The following STK3 variants were observed in gnomAD, a reference collection of about 807,000 sequenced individuals.
The protein encoded by STK3 is serine/threonine-protein kinase 3.
Under a neutral mutation model 58.0 loss-of-function variants are expected in STK3, and 41 were observed. That is an observed-to-expected ratio of 0.71 (90% CI 0.55 to 0.92). STK3 has a LOEUF of 0.92. Among genes scored for constraint, STK3 ranks in the 40% least tolerant of loss-of-function variants. The probability of loss-of-function intolerance (pLI) is 0.00; values close to 1 mark genes in which losing one functional copy is unlikely to be tolerated. For missense variants in STK3, 479 were observed against 602.7 expected, an observed-to-expected ratio of 0.79 and a Z score of 2.15; for synonymous variants, 170 against 191.0, an observed-to-expected ratio of 0.89 and a Z score of 0.91.
At chr8:98,683,049 T>C (rs929089373) in intron 6 of STK3, among the ~76,000 whole-genome samples, 4 of 152,122 alleles carry the variant, frequency 2.6e-5, no homozygotes, top group African/African-American at 9.7e-5. Flanking sequence ...AATGGTTGTC[T>C]GTTAAAACAG....
chr8:98,527,038 A>C, intron 9 of STK3, 121 bp from the exon 10 acceptor site: 2 of 638,118 alleles, frequency 3.1e-6, no homozygotes. Context: ...ATTCAAGGCC[A>C]ACATAATTAA....
chr8:98,847,825 C>G (rs1433513421), intron 3 of STK3, among the ~76,000 whole-genome samples: 1 of 152,138 alleles, frequency 6.6e-6, no homozygotes, highest in Non-Finnish European at 1.5e-5. Context: ...GCCTACCTTA[C>G]CTCTCACTAA....
At chr8:98,780,446 T>C (rs1167792249) in intron 1 of STK3, among the ~76,000 whole-genome samples, 1 of 152,150 alleles carries the variant, frequency 6.6e-6, no homozygotes, top group African/African-American at 2.4e-5. Flanking sequence ...TCTTTGCTCA[T>C]TTTTCCACTG....
chr8:98,439,305 T>G (rs1352837629), intron 1 of STK3: 1 of 152,158 alleles, frequency 6.6e-6, no homozygotes, highest in Non-Finnish European at 1.5e-5. Context: ...TGCGGGTCCC[T>G]GTGGAGTCGA....
Position 98,489,651 on chromosome 8 carries a change from TACCAAC to T in STK3, c.1318-33657_1318-33652del, listed in dbSNP as rs1822542171. Among the ~76,000 whole-genome samples the T allele has an allele frequency of 3.9e-5, 6 of 152,166 alleles. No homozygotes were observed. The South Asian group carries it at 8.3e-4, about 21-fold the overall frequency. On this transcript the variant is annotated intron_variant, in intron 10 of 10. Coordinates refer to ENST00000419617, the MANE Select transcript of STK3 (RefSeq NM_006281.4). ...ATTTTTCCACACATTTAGCCGATTG[TACCAAC>T]ACCAAGATTCCACACATTCAATAAT...
intron 1 of STK3, among the ~76,000 whole-genome samples, chr8:98,906,761 C>G (rs1008638701): frequency 6.6e-6 from 1 of 152,176 alleles, no homozygotes. Context: ...TCCATCACCT[C>G]TAAAGAGATG....
At chr8:98,697,196 T>C (rs1475669588) in intron 6 of STK3, among the ~76,000 whole-genome samples, 2 of 152,252 alleles carry the variant, frequency 1.3e-5, no homozygotes, top group African/African-American at 4.8e-5. Context: ...GTGGGATTGG[T>C]GGTGATTTCA....
At chr8:98,536,192 C>T (rs1809752972) in intron 9 of STK3, among the ~76,000 whole-genome samples, 1 of 152,082 alleles carries the variant, frequency 6.6e-6, no homozygotes, top group Admixed American at 6.6e-5. Flanking sequence ...AATTTGCCTC[C>T]CTAATATCTA....
At chr8:98,580,865 A>G (rs1359985464) in intron 7 of STK3, among the ~76,000 whole-genome samples, 1 of 152,262 alleles carries the variant, frequency 6.6e-6, no homozygotes, top group Admixed American at 6.5e-5. Context: ...GATACTTGAA[A>G]GAGGGTTTAA....
At chr8:98,434,751 GT>G (rs1818425391) in intron 2 of STK3, among the ~76,000 whole-genome samples, 1 of 152,296 alleles carries the variant, frequency 6.6e-6, no homozygotes, top group South Asian at 2.1e-4. Flanking sequence ...CCTTGGAGTT[GT>G]GTAAGGCCCT....
rs71572027 is a variant in STK3 at position 98,858,290 on chromosome 8, GTATATATATATA to G, written c.110+25345_110+25356del. On this transcript the variant is annotated intron_variant, in intron 3 of 12. Transcript: ENST00000523601. The stretch of plus-strand genomic sequence containing the variant: ...CCAGCTACAGTATATACATACATAC[GTATATATATATA>G]TATATATATATATATATATATAGAG... 1.6e-3 allele frequency among the ~76,000 whole-genome samples: 56 copies of G among 34,374 alleles called. 2 individuals are homozygous for G. The highest frequency in any genetic ancestry group is 4.1e-3 in the African/African-American group (31 of 7,504). 22.6% of individuals were successfully genotyped at this position (34,374 alleles called of 152,430 possible). A position where few individuals can be genotyped will look rare whatever the true frequency, so the allele number is the denominator to read the frequency against.
chr8:98,883,999 C>T (rs1837892307), intron 1 of STK3, among the ~76,000 whole-genome samples: 1 of 152,110 alleles, frequency 6.6e-6, no homozygotes, highest in African/African-American at 2.4e-5. Flanking sequence ...GGAGTTCTCC[C>T]AAGGTGTACT....
chr8:98,925,663 C>T (rs1839761884), intron 1 of STK3, among the ~76,000 whole-genome samples: 1 of 152,054 alleles, frequency 6.6e-6, no homozygotes, highest in Non-Finnish European at 1.5e-5. Context: ...TGTTGTTGGC[C>T]CAAACACCAC....
chr8:98,488,818 T>C (rs1355960378), intron 10 of STK3, among the ~76,000 whole-genome samples: 1 of 152,200 alleles, frequency 6.6e-6, no homozygotes. Flanking sequence ...AGAAATATCG[T>C]TTTAGCCAGG....
chr8:98,382,849 G>T (rs920203135), intron 1 of STK3, among the ~76,000 whole-genome samples: 4 of 152,216 alleles, frequency 2.6e-5, no homozygotes, highest in Admixed American at 1.3e-4. Flanking sequence ...GCGGCCGGCT[G>T]GGGTGGGGAC....
rs201599771 is a variant in STK3, at chr8:98,442,939, A to ACC, written n.186-5733_186-5732dup. Among the ~76,000 whole-genome samples, 1,519 of 152,012 alleles carry ACC rather than the reference A, an allele frequency of 1.0e-2. 17 individuals are homozygous for ACC. The highest frequency in any genetic ancestry group is 0.049 in the Admixed American group (750 of 15,264). On this transcript the variant is annotated intron_variant and non_coding_transcript_variant, in intron 1 of 3. Transcript: ENST00000517832. ...CCTCAATATTCACACAGATTTTTGT[A>ACC]CCAACGACCACAGAATTATAGGAAT...
intron 4 of STK3, among the ~76,000 whole-genome samples, chr8:98,712,070 G>C (rs929821615): frequency 5.9e-5 from 9 of 152,134 alleles, no homozygotes; most frequent in Non-Finnish European, 1.0e-4. Context: ...ATACTTTACA[G>C]ACAAGCAAAG....
At chr8:98,719,248 TAATA>T (rs1827236192) in intron 4 of STK3, among the ~76,000 whole-genome samples, 1 of 152,180 alleles carries the variant, frequency 6.6e-6, no homozygotes, top group Non-Finnish European at 1.5e-5. Context: ...CTTGGGGTGT[TAATA>T]AAGGCAGCAT....
At chr8:98,895,537 G>C (rs1838413513) in intron 1 of STK3, among the ~76,000 whole-genome samples, 1 of 152,176 alleles carries the variant, frequency 6.6e-6, no homozygotes. Context: ...ATGGGAATGG[G>C]AAGTAAGGAT....
Sources: allele counts gnomAD v4.1 joint callset (sites outside exome capture counted in the v4.1 genomes callset), GRCh38; gene constraint gnomAD v4.1.1; transcripts MANE v1.5; gene names NCBI Gene and HGNC (gene_info 2026-07-23, HGNC 2026-07-21).